Variants in GMPS observed in about 807,000 individuals in gnomAD.
The protein encoded by GMPS is GMP synthase [glutamine-hydrolyzing].
GMPS carries 15 observed loss-of-function variants against 77.9 expected under a neutral mutation model. That is an observed-to-expected ratio of 0.19 (90% CI 0.13 to 0.30). The LOEUF (loss-of-function observed/expected upper bound fraction) is 0.30, where lower values mean the gene tolerates loss of function less well. Among genes scored for constraint, GMPS ranks in the 10% least tolerant of loss-of-function variants. The pLI, the probability that GMPS is intolerant of heterozygous loss-of-function variation, is 1.00. For synonymous variants in GMPS, 224 were observed against 275.9 expected, an observed-to-expected ratio of 0.81 and a Z score of 1.86; for missense variants, 590 against 838.8, an observed-to-expected ratio of 0.70 and a Z score of 3.66.
At chr3:155,870,920 C>A in intron 1 of GMPS, 23 bp downstream of exon 1, 1 of 1,462,184 alleles carries the variant, frequency 6.8e-7, no homozygotes. Flanking sequence ...GTCCCTGCAG[C>A]ACCGCATCCC....
intron 1 of GMPS, among the ~76,000 whole-genome samples, chr3:155,873,502 T>C (rs1577494450): frequency 6.6e-6 from 1 of 152,102 alleles, no homozygotes; most frequent in East Asian, 1.9e-4. Context: ...GCTCAAGCTA[T>C]CCTCCCACTT....
intron 2 of GMPS, among the ~76,000 whole-genome samples, chr3:155,896,937 T>C (rs943706240): frequency 1.3e-5 from 2 of 152,228 alleles, no homozygotes; most frequent in African/African-American, 4.8e-5. Context: ...CAGATTTATC[T>C]GCAAACTCAA....
intron 1 of GMPS, among the ~76,000 whole-genome samples, chr3:155,890,744 C>T (rs1251677936): frequency 6.6e-6 from 1 of 152,182 alleles, no homozygotes; most frequent in Non-Finnish European, 1.5e-5. Context: ...CAACCAGTTT[C>T]CTCACTGATG....
chr3:155,870,944 C>A, intron 1 of GMPS, 47 bp downstream of exon 1: 1 of 1,417,974 alleles, frequency 7.1e-7, no homozygotes, highest in Non-Finnish European at 9.2e-7. Flanking sequence ...GGAGGCGAGG[C>A]TCCCGGACCG....
chr3:155,879,109 T>C (rs1418786948), intron 1 of GMPS, among the ~76,000 whole-genome samples: 2 of 152,134 alleles, frequency 1.3e-5, no homozygotes, highest in African/African-American at 4.8e-5. Context: ...TCTTCCTTTC[T>C]GTGTCTACTG....
chr3:155,872,933 G>T lies in GMPS; in HGVS notation c.27+2036G>T, dbSNP rs1197204676. 4.6e-5 allele frequency among the ~76,000 whole-genome samples: 7 copies of T among 152,136 alleles called. No homozygotes were observed. The East Asian group carries it at 1.3e-3, about 29-fold the overall frequency. On this transcript the variant is annotated intron_variant, in intron 1 of 15. Coordinates refer to ENST00000496455, the MANE Select transcript of GMPS (RefSeq NM_003875.3). Reference sequence around the variant, plus strand: ...TGATCATAAACATTTTAAGTAAAGAGATATTAAATATGGGGAAATACCTTA... The same window carrying T: ...TGATCATAAACATTTTAAGTAAAGATATATTAAATATGGGGAAATACCTTA...
chr3:155,925,454 G>C (rs777708866), intron 12 of GMPS, 88 bp downstream of exon 12: 11 of 1,059,462 alleles, frequency 1.0e-5, no homozygotes, highest in South Asian at 3.4e-5. Flanking sequence ...GCCCAGGCTG[G>C]AGCGCAGTGG....
chr3:155,913,749 G>A lies in GMPS; in HGVS notation c.887-670G>A, dbSNP rs1755098152. 2.0e-5 allele frequency among the ~76,000 whole-genome samples: 3 copies of A among 151,980 alleles called. No homozygotes were observed. In the South Asian group the frequency reaches 6.2e-4, roughly 32 times the overall value. On this transcript the variant is annotated intron_variant, in intron 7 of 15. Transcript: ENST00000496455. ...TTGGCCAGGCTGGTCTCACACTGCT[G>A]ACCTCAAGTGATCCACCCAACTTGG...
intron 7 of GMPS, among the ~76,000 whole-genome samples, chr3:155,914,040 G>C (rs574790323): frequency 1.1e-4 from 16 of 151,994 alleles, no homozygotes; most frequent in African/African-American, 3.9e-4. Context: ...TCCGCCTCCC[G>C]GGTTCACACC....
intron 1 of GMPS, among the ~76,000 whole-genome samples, chr3:155,871,541 G>T (rs1753906054): frequency 6.6e-6 from 1 of 152,172 alleles, no homozygotes; most frequent in East Asian, 1.9e-4. Context: ...CTGCAGGCCC[G>T]CGTGAGGGCT....
chr3:155,913,173 G>A (rs980195198), intron 7 of GMPS, among the ~76,000 whole-genome samples: 4 of 152,178 alleles, frequency 2.6e-5, no homozygotes, highest in Non-Finnish European at 5.9e-5. Flanking sequence ...GAGTAGATAT[G>A]TCTTCTCTGG....
upstream of GMPS, chr3:155,870,550 T>G: frequency 3.5e-6 from 1 of 282,816 alleles, no homozygotes. Flanking sequence ...GCCGGCCGGT[T>G]TGGCGGCGGC....
chr3:155,930,574 A>G (rs557402283), intron 12 of GMPS, among the ~76,000 whole-genome samples: 101 of 152,226 alleles, frequency 6.6e-4, no homozygotes, highest in African/African-American at 2.3e-3. Context: ...TGAACAGGCA[A>G]CCTACAAAAT....
In GMPS at chr3:155,938,399, C is replaced by A; in HGVS notation, c.*707C>A. ...TAGATGCCATGTTATTCAATGTCAGCTTGTTTATTAGTAAGGAGCTTTATC... is the reference window on the plus strand; with the variant it reads ...TAGATGCCATGTTATTCAATGTCAGATTGTTTATTAGTAAGGAGCTTTATC... On this transcript the variant is annotated 3_prime_UTR_variant, in exon 16 of 16. Transcript: ENST00000496455. 1 of 214,538 alleles carries A rather than the reference C, an allele frequency of 4.7e-6. No individual in the cohort carries two copies. The highest frequency in any genetic ancestry group is 6.9e-5 in the East Asian group (1 of 14,458). 13.3% of individuals were successfully genotyped at this position (214,538 alleles called of 1,614,324 possible).
rs1010350032 is a variant in GMPS, at chr3:155,942,584, C to T, written c.*4892C>T. The T allele has an allele frequency of 1.7e-5, 4 of 228,638 alleles. No individual in the cohort carries two copies. Among genetic ancestry groups the T allele is most frequent in the Non-Finnish European group, 2.6e-5 (3 of 115,286 alleles). 14.2% of individuals were successfully genotyped at this position (228,638 alleles called of 1,614,324 possible). On this transcript the variant is annotated 3_prime_UTR_variant, in exon 16 of 16. Coordinates refer to ENST00000496455, the MANE Select transcript of GMPS (RefSeq NM_003875.3). ...AACCAGATTCTGGAACTGATTGCAC[C>T]TATATTATGTTGTGTGTCAGACACT...
At chr3:155,892,274 A>G (rs748234071) in intron 1 of GMPS, among the ~76,000 whole-genome samples, 5 of 152,188 alleles carry the variant, frequency 3.3e-5, no homozygotes, top group Admixed American at 6.5e-5. Context: ...TTGAAGTGGC[A>G]TTATACTGTA....
At chr3:155,885,578 C>T (rs1754317246) in intron 1 of GMPS, among the ~76,000 whole-genome samples, 1 of 152,132 alleles carries the variant, frequency 6.6e-6, no homozygotes, top group Admixed American at 6.5e-5. Context: ...GCATTTTATA[C>T]ATTTGTTACC....
upstream of GMPS, chr3:155,870,414 G>A (rs1188685681): frequency 2.8e-5 from 5 of 177,034 alleles, no homozygotes; most frequent in East Asian, 1.0e-4. Flanking sequence ...GAGGGCAGGA[G>A]GGGCGGAGCC....
chr3:155,878,840 G>A (rs976208106), intron 1 of GMPS, among the ~76,000 whole-genome samples: 4 of 152,002 alleles, frequency 2.6e-5, no homozygotes, highest in Non-Finnish European at 5.9e-5. Context: ...CCTGAGAATC[G>A]GGAGTCCATG....
Sources: gnomAD v4.1 joint callset for allele counts (sites outside exome capture counted in the v4.1 genomes callset) on GRCh38, gnomAD v4.1.1 for gene constraint, MANE v1.5 for transcripts, NCBI Gene and HGNC (gene_info 2026-07-23, HGNC 2026-07-21) for gene names.